LIPI: variants seen among roughly 807,000 people sequenced by gnomAD.
LIPI encodes the protein lipase member I.
A neutral mutation model predicts 50.6 loss-of-function variants in LIPI; 59 were observed. That is an observed-to-expected ratio of 1.16 (90% CI 0.94 to 1.45). The LOEUF is 1.45. Among genes scored for constraint, LIPI ranks in the 40% most tolerant of loss-of-function variants. The pLI, the probability that LIPI is intolerant of heterozygous loss-of-function variation, is 0.00. For synonymous variants in LIPI, 203 were observed against 178.2 expected, an observed-to-expected ratio of 1.14 and a Z score of -1.11; for missense variants, 586 against 536.3, an observed-to-expected ratio of 1.09 and a Z score of -0.92.
intron 9 of LIPI, among the ~76,000 whole-genome samples, chr21:14,110,301 T>A (rs2016351383): frequency 6.6e-6 from 1 of 151,838 alleles, no homozygotes; most frequent in South Asian, 2.1e-4. Flanking sequence ...ATTCTCTTTT[T>A]TTTGCCATTA....
At chr21:14,161,617 T>TACATA (rs2018474696) in intron 7 of LIPI, among the ~76,000 whole-genome samples, 2 of 113,184 alleles carry the variant, frequency 1.8e-5, no homozygotes, top group Non-Finnish European at 3.3e-5. Flanking sequence ...ATAATATACA[T>TACATA]ATATAATATA....
chr21:14,199,606 C>CAA (rs199532907), intron 1 of LIPI, among the ~76,000 whole-genome samples: 9 of 137,510 alleles, frequency 6.5e-5, no homozygotes, highest in Admixed American at 1.5e-4. Context: ...GCCTACCAAC[C>CAA]AAAAAAAAAA....
chr21:14,116,313 A>C (rs771070405), intron 9 of LIPI, among the ~76,000 whole-genome samples: 2 of 152,112 alleles, frequency 1.3e-5, no homozygotes, highest in Non-Finnish European at 2.9e-5. Flanking sequence ...GATGAGCCAG[A>C]CCTAGGTCAG....
At chr21:14,205,593 C>T (rs911892073) in intron 1 of LIPI, among the ~76,000 whole-genome samples, 1 of 151,808 alleles carries the variant, frequency 6.6e-6, no homozygotes, top group African/African-American at 2.4e-5. Flanking sequence ...TTAACCAACA[C>T]AAATGTAGTT....
intron 3 of LIPI, among the ~76,000 whole-genome samples, chr21:14,183,550 G>C (rs2019348128): frequency 6.6e-6 from 1 of 152,082 alleles, no homozygotes; most frequent in Admixed American, 6.6e-5. Flanking sequence ...CCTATAGAAT[G>C]GGAGAAAATT....
intron 1 of LIPI, among the ~76,000 whole-genome samples, chr21:14,191,254 G>A (rs2019662632): frequency 1.3e-5 from 2 of 150,640 alleles, no homozygotes; most frequent in Non-Finnish European, 3.0e-5. Flanking sequence ...GCGGGCGCCT[G>A]TAGTCCTAGC....
chr21:14,134,580 G>T (rs868036675), intron 9 of LIPI, among the ~76,000 whole-genome samples: 6 of 152,056 alleles, frequency 3.9e-5, no homozygotes, highest in African/African-American at 9.7e-5. Flanking sequence ...CATGGTACTG[G>T]TATAAAAATA....
chr21:14,144,599 G>A, intron 9 of LIPI, 24 bp downstream of exon 9: 1 of 1,297,796 alleles, frequency 7.7e-7, no homozygotes, highest in South Asian at 1.2e-5. Flanking sequence ...ATAACATGTT[G>A]AAATCAAAAT....
chr21:14,128,625 G>C (rs1322359800), intron 9 of LIPI, among the ~76,000 whole-genome samples: 1 of 152,024 alleles, frequency 6.6e-6, no homozygotes, highest in African/African-American at 2.4e-5. Flanking sequence ...TATCCTTAAA[G>C]ATGCCTAAAT....
chr21:14,204,724 T>A (rs954683827), intron 1 of LIPI, among the ~76,000 whole-genome samples: 20 of 151,972 alleles, frequency 1.3e-4, no homozygotes, highest in Non-Finnish European at 2.1e-4. Flanking sequence ...AGGTGATGGA[T>A]TTTTAAATAA....
intron 9 of LIPI, among the ~76,000 whole-genome samples, chr21:14,126,890 A>C (rs1221629873): frequency 2.6e-5 from 4 of 152,194 alleles, no homozygotes; most frequent in Non-Finnish European, 4.4e-5. Context: ...GGAAGTTTTT[A>C]TGATTGATGA....
intron 2 of LIPI, among the ~76,000 whole-genome samples, chr21:14,188,789 C>T (rs1600919360): frequency 6.6e-6 from 1 of 151,964 alleles, no homozygotes; most frequent in African/African-American, 2.4e-5. Flanking sequence ...CTAATAATTA[C>T]TAAATTTTAA....
At chr21:14,183,419 G>A (rs1272338881) in intron 3 of LIPI, among the ~76,000 whole-genome samples, 6 of 152,238 alleles carry the variant, frequency 3.9e-5, no homozygotes, top group African/African-American at 1.2e-4. Flanking sequence ...GCATGGGCAA[G>A]GACTTCATGT....
chr21:14,199,600 A>G (rs1486670389), intron 1 of LIPI, among the ~76,000 whole-genome samples: 1 of 150,936 alleles, frequency 6.6e-6, no homozygotes, highest in African/African-American at 2.4e-5. Flanking sequence ...TAAATAGCCT[A>G]CCAACCAAAA....
chr21:14,205,308 G>A (rs377389111), intron 1 of LIPI, among the ~76,000 whole-genome samples: 3 of 151,884 alleles, frequency 2.0e-5, no homozygotes, highest in East Asian at 3.9e-4. Context: ...AAATTATCAT[G>A]TATTTCTAAG....
intron 1 of LIPI, among the ~76,000 whole-genome samples, chr21:14,208,652 A>G (rs943046489): frequency 5.9e-5 from 9 of 152,368 alleles, no homozygotes; most frequent in East Asian, 1.9e-4. Flanking sequence ...TTACTTGTTT[A>G]TGCATTATCT....
Position 14,165,410 on chromosome 21 carries a change from A to AT in LIPI, c.734-21_734-20insA, listed in dbSNP as rs757935220. ...GAATTCCTTAAGGGTTAAAAAAAAA[A>AT]CAAAGAACTGTAGATGTATTAAGCC... On this transcript the variant is annotated intron_variant, in intron 5 of 9. Transcript: ENST00000681601. The AT allele has an allele frequency of 1.3e-6, 2 of 1,574,264 alleles. No homozygotes were observed. The highest frequency in any genetic ancestry group is 1.1e-5 in the South Asian group (1 of 88,946).
chr21:14,142,113 T>G lies in LIPI; in HGVS notation c.1295+2510A>C, dbSNP rs111933552. Among the ~76,000 whole-genome samples the G allele has an allele frequency of 6.5e-3, 990 of 152,206 alleles. 11 individuals are homozygous for G. Among genetic ancestry groups the G allele is most frequent in the African/African-American group, 0.023 (953 of 41,538 alleles). On this transcript the variant is annotated intron_variant, in intron 9 of 9. Transcript: ENST00000681601. The stretch of plus-strand genomic sequence containing the variant: ...TAGCCTTAGTGGACTACAAATATAA[T>G]TTCTATTCTTATGTTTAGTGGAGGC...
Position 14,109,079 on chromosome 21 carries a change from G to T in LIPI, c.1297C>A (p.Pro433Thr). ...ACAATATTATACCTGCAAAGTGGTG[G>T]TCTGAGAAAGAGAAAAATGGAGAGA... ...MLKSLTYPER[P>T]PLCRYNIVLK... Residue 433 changes from proline to threonine, a missense_variant and splice_region_variant, in exon 10 of 10, where the codon CCA (proline) becomes ACA (threonine). Pro to Thr is a conservative substitution (Grantham distance 38). Coordinates refer to ENST00000681601, the MANE Select transcript of LIPI (RefSeq NM_001302998.2). 6.3e-7 allele frequency: 1 copy of T among 1,591,754 alleles called. No individual in the cohort carries two copies. Among genetic ancestry groups the T allele is most frequent in the Middle Eastern group, 1.7e-4 (1 of 6,014 alleles).
Sources: allele counts gnomAD v4.1 joint callset (sites outside exome capture counted in the v4.1 genomes callset), GRCh38; gene constraint gnomAD v4.1.1; transcripts MANE v1.5; gene names NCBI Gene and HGNC (gene_info 2026-07-23, HGNC 2026-07-21).